The following ANO2 variants were observed in gnomAD, a reference collection of about 807,000 sequenced individuals.
ANO2 encodes the protein anoctamin 2.
ANO2 carries 101 observed loss-of-function variants against 124.2 expected under a neutral mutation model. The ratio of observed to expected loss-of-function variants is 0.81; its 90% CI spans 0.69 to 0.96. ANO2 has a LOEUF of 0.96. Ranked by LOEUF, ANO2 falls within the 40% of genes least tolerant of loss-of-function variation. The probability of loss-of-function intolerance (pLI) is 0.00; values close to 1 mark genes in which losing one functional copy is unlikely to be tolerated. For synonymous variants in ANO2, 486 were observed against 482.5 expected (o/e 1.01, Z -0.09); for missense variants, 1,293 against 1,274.5 (o/e 1.01, Z -0.22).
chr12:5,721,226 C>T (rs987436134), intron 14 of ANO2, among the ~76,000 whole-genome samples: 5 of 152,154 alleles, frequency 3.3e-5, no homozygotes, highest in South Asian at 2.1e-4. Context: ...CATGCAGAGA[C>T]GGCAATAAGA....
intron 20 of ANO2, among the ~76,000 whole-genome samples, chr12:5,585,446 G>A (rs1274065796): frequency 6.6e-6 from 1 of 152,104 alleles, no homozygotes; most frequent in African/African-American, 2.4e-5. Context: ...GATCAGTAAG[G>A]CACATTTGGC....
At chr12:5,898,120 T>C (rs577306154) in intron 3 of ANO2, among the ~76,000 whole-genome samples, 1 of 152,126 alleles carries the variant, frequency 6.6e-6, no homozygotes, top group South Asian at 2.1e-4. Flanking sequence ...TCCAAATGGC[T>C]GGAAAAAAAA....
At chr12:5,863,348 T>C (rs1955331398) in intron 3 of ANO2, among the ~76,000 whole-genome samples, 1 of 152,102 alleles carries the variant, frequency 6.6e-6, no homozygotes, top group Admixed American at 6.5e-5. Context: ...ACTTCAGAAA[T>C]CCTACAGGTG....
At chr12:5,764,113 AAC>A (rs75846461) in intron 10 of ANO2, among the ~76,000 whole-genome samples, 17,156 of 152,232 alleles carry the variant, frequency 0.11, 1,043 homozygotes, top group Admixed American at 0.17. Flanking sequence ...AGAGGTAACA[AAC>A]ACAAACTTCC....
chr12:5,599,508 G>C lies in ANO2; in HGVS notation c.2209C>G (p.Leu737Val). The change falls in exon 20 of 25, where the codon CTG becomes GTG. Residue 737 changes from leucine (L) to valine (V), a missense_variant. Physicochemically the swap from Leu to Val is conservative, Grantham distance 32 (BLOSUM62 1). Coordinates refer to ENST00000682330, the MANE Select transcript of ANO2 (RefSeq NM_001364791.2). ...LDYSLEPYTG[L>V]TPEYMEMIIQ... ...CTCATTTCCATGTACTCCGGAGTCA[G>C]TCCTGTGTATGGTTCCAAGCTGTAG... 1.2e-6 allele frequency: 2 copies of C among 1,611,566 alleles called. No homozygotes were observed. The highest frequency in any genetic ancestry group is 1.7e-6 in the Non-Finnish European group (2 of 1,179,380).
chr12:5,671,629 CTG>C (rs1948010636), intron 14 of ANO2, among the ~76,000 whole-genome samples: 1 of 152,184 alleles, frequency 6.6e-6, no homozygotes, highest in Non-Finnish European at 1.5e-5. Flanking sequence ...ATCTGCAGCT[CTG>C]GGGCTGGCTG....
At chr12:5,710,177 C>T (rs762372044) in intron 14 of ANO2, among the ~76,000 whole-genome samples, 7 of 152,208 alleles carry the variant, frequency 4.6e-5, no homozygotes, top group African/African-American at 9.6e-5. Flanking sequence ...TTCCAGAAAG[C>T]TGGGCCAATT....
chr12:5,648,896 C>T (rs1401769803), intron 14 of ANO2, among the ~76,000 whole-genome samples: 1 of 152,212 alleles, frequency 6.6e-6, no homozygotes, highest in Admixed American at 6.5e-5. Context: ...ACCACTGATA[C>T]TCAGAACACA....
At chr12:5,781,533 A>G (rs1015961446) in intron 10 of ANO2, among the ~76,000 whole-genome samples, 1 of 152,264 alleles carries the variant, frequency 6.6e-6, no homozygotes, top group African/African-American at 2.4e-5. Flanking sequence ...AGAATATAAA[A>G]GAACAGTAAA....
rs116477537 is a variant in ANO2 at position 5,941,437 on chromosome 12, T to C, written c.22+3759A>G. On this transcript the variant is annotated intron_variant, in intron 1 of 24. Transcript: ENST00000682330. ...AAATCTAGAGAGCAGAGGATAAAGATTGGAAAAATTTAACAGCACCTCAGA... is the reference window on the plus strand; with the variant it reads ...AAATCTAGAGAGCAGAGGATAAAGACTGGAAAAATTTAACAGCACCTCAGA... 5.2e-3 allele frequency among the ~76,000 whole-genome samples: 797 copies of C among 151,814 alleles called. 9 individuals are homozygous for C. The highest frequency in any genetic ancestry group is 0.018 in the African/African-American group (730 of 41,380).
At chr12:5,687,366 G>C (rs1948749772) in intron 14 of ANO2, among the ~76,000 whole-genome samples, 1 of 152,200 alleles carries the variant, frequency 6.6e-6, no homozygotes, top group Non-Finnish European at 1.5e-5. Context: ...CTGCATACAG[G>C]ACAAAACGAA....
intron 16 of ANO2, among the ~76,000 whole-genome samples, chr12:5,615,764 C>T (rs948071102): frequency 1.3e-5 from 2 of 152,104 alleles, no homozygotes; most frequent in Non-Finnish European, 2.9e-5. Context: ...TCTTTCTCTC[C>T]TTCATTTTTA....
In ANO2 at chr12:5,573,614, C is replaced by T. The variant is rs561863977; in HGVS notation, c.2621+2220G>A. On this transcript the variant is annotated intron_variant, in intron 23 of 24. Transcript: ENST00000682330. ...CAGACAGTCTAGCATGTCAGCCATG[C>T]AGAGGGGCCCCCAGGCAGTGCATAG... Among the ~76,000 whole-genome samples, 30 of 143,276 alleles carry T rather than the reference C, an allele frequency of 2.1e-4. 1 individual carries two copies. The highest frequency in any genetic ancestry group is 2.1e-3 in the Admixed American group (28 of 13,442). The allele number at this position is 143,276 out of a possible 152,430, so 94.0% of individuals were successfully genotyped here.
intron 4 of ANO2, among the ~76,000 whole-genome samples, chr12:5,850,803 T>C (rs1445969148): frequency 6.6e-6 from 1 of 152,212 alleles, no homozygotes; most frequent in Non-Finnish European, 1.5e-5. Flanking sequence ...TGGCTGCTTC[T>C]TTGGTCAGAA....
intron 3 of ANO2, among the ~76,000 whole-genome samples, chr12:5,868,695 G>T (rs1338172190): frequency 6.6e-6 from 1 of 152,164 alleles, no homozygotes; most frequent in African/African-American, 2.4e-5. Context: ...GCCCAGTCTG[G>T]ATCGTGTCCT....
intron 5 of ANO2, among the ~76,000 whole-genome samples, chr12:5,831,789 C>G (rs1954161284): frequency 6.6e-6 from 1 of 152,146 alleles, no homozygotes; most frequent in Admixed American, 6.5e-5. Context: ...CATGCCCCGG[C>G]CTTTCCCTCT....
rs141083618 is a variant in ANO2, at chr12:5,565,728, G to T, written c.2622-65C>A. ...TGGAGAAAAGGGTGGTCATTCTCTG[G>T]GTGAAACCTCGAGGGCTGGCTGGAG... is the stretch of plus-strand genomic sequence containing the variant. On this transcript the variant is annotated intron_variant, in intron 23 of 24. Transcript: ENST00000682330. 1.6e-5 allele frequency: 21 copies of T among 1,345,732 alleles called. No individual in the cohort carries two copies. In the Admixed American group the frequency reaches 4.9e-4, roughly 32 times the overall value. 83.4% of individuals were successfully genotyped at this position (1,345,732 alleles called of 1,614,324 possible).
In ANO2 at chr12:5,787,149, G is replaced by A. The variant is rs990918467; in HGVS notation, c.1055+12358C>T. Among the ~76,000 whole-genome samples, 2 of 152,064 alleles carry A rather than the reference G, an allele frequency of 1.3e-5. No individual in the cohort carries two copies. The highest frequency in any genetic ancestry group is 3.9e-4 in the East Asian group (2 of 5,172). ...CCCACAAGTCCTTCAGAAGGACAAA[G>A]GGCACATAGGAGGAAACCATCCTGT... On this transcript the variant is annotated intron_variant, in intron 10 of 24. Coordinates refer to ENST00000682330, the MANE Select transcript of ANO2 (RefSeq NM_001364791.2). This position sits in a 1 kb window ranked among gnomAD's most constrained non-coding sequence, Gnocchi z 4.2.
intron 20 of ANO2, among the ~76,000 whole-genome samples, chr12:5,580,440 C>T (rs114256592): frequency 2.6e-5 from 4 of 152,216 alleles, no homozygotes; most frequent in African/African-American, 7.2e-5. Flanking sequence ...GAGAGAGACC[C>T]GACTTCTAGA....
Sources: gnomAD v4.1 joint callset for allele counts (sites outside exome capture counted in the v4.1 genomes callset) on GRCh38, gnomAD v4.1.1 for gene constraint, Gnocchi (gnomAD v3.1) non-coding constraint, MANE v1.5 for transcripts, NCBI Gene and HGNC (gene_info 2026-07-23, HGNC 2026-07-21) for gene names.